The following CALN1 variants were observed in gnomAD, a reference collection of about 807,000 sequenced individuals.
CALN1 encodes calcium-binding protein 8.
In CALN1, 17 loss-of-function variants were observed where a neutral mutation model predicts 30.6. That is an observed-to-expected ratio of 0.56 (90% CI 0.38 to 0.83). CALN1 has a LOEUF of 0.83. Ranked by LOEUF, CALN1 falls within the 40% of genes least tolerant of loss-of-function variation. CALN1 has a pLI of 0.00. For missense variants in CALN1, 291 were observed against 354.9 expected (o/e 0.82, Z 1.45); for synonymous variants, 156 against 131.4 (o/e 1.19, Z -1.28).
At chr7:72,499,403 ATAAT>A in the CALN1 span, among the ~76,000 whole-genome samples, 4 of 152,166 alleles carry the variant, frequency 2.6e-5, no homozygotes, top group African/African-American at 9.6e-5. Context: ...TTATTAATTA[ATAAT>A]TGATTGATTC....
chr7:71,879,275 C>A (rs1032795297), intron 5 of CALN1, among the ~76,000 whole-genome samples: 2 of 152,128 alleles, frequency 1.3e-5, no homozygotes, highest in Non-Finnish European at 2.9e-5. Flanking sequence ...TATCTCTGTC[C>A]TCTGAGTAGG....
chr7:72,144,403 C>A (rs1041886544), intron 3 of CALN1, among the ~76,000 whole-genome samples: 5 of 152,152 alleles, frequency 3.3e-5, no homozygotes, highest in Non-Finnish European at 5.9e-5. Context: ...GTAAAGGGAT[C>A]AATTCAACAA....
At chr7:72,488,967 A>G in the CALN1 span, among the ~76,000 whole-genome samples, 2 of 152,214 alleles carry the variant, frequency 1.3e-5, no homozygotes, top group African/African-American at 2.4e-5. Flanking sequence ...CTGGAAGCAT[A>G]GGAGAGCCTA....
intron 5 of CALN1, among the ~76,000 whole-genome samples, chr7:71,986,107 G>C (rs2129527498): frequency 6.6e-6 from 1 of 152,096 alleles, no homozygotes; most frequent in Non-Finnish European, 1.5e-5. Context: ...GAGTGCAGTG[G>C]CACTATCTCA....
At chr7:72,296,000 T>C (rs1307623195) in intron 2 of CALN1, among the ~76,000 whole-genome samples, 35 of 152,036 alleles carry the variant, frequency 2.3e-4, no homozygotes, top group Admixed American at 2.3e-3. Context: ...GGCTGTGGGT[T>C]TGTCATAGAT....
chr7:72,058,597 G>C (rs770084415), intron 4 of CALN1, among the ~76,000 whole-genome samples: 6 of 152,094 alleles, frequency 3.9e-5, no homozygotes, highest in Middle Eastern at 3.2e-3. Context: ...GGGATTACAG[G>C]CACAAGCGAC....
At chr7:71,790,401 AAAG>A (rs879442761) in intron 6 of CALN1, among the ~76,000 whole-genome samples, 937 of 92,666 alleles carry the variant, frequency 0.01, 7 homozygotes, top group Non-Finnish European at 0.015. Flanking sequence ...AGAAAGAAAG[AAAG>A]AAAGAAAGAA....
At chr7:72,176,357 A>G (rs962923432) in intron 3 of CALN1, among the ~76,000 whole-genome samples, 8 of 152,276 alleles carry the variant, frequency 5.3e-5, no homozygotes, top group African/African-American at 1.9e-4. Flanking sequence ...GGCATATGAT[A>G]GAGTTTGGAT....
intron 2 of CALN1, among the ~76,000 whole-genome samples, chr7:72,321,518 G>GT (rs1387400672): frequency 2.0e-5 from 3 of 152,142 alleles, no homozygotes; most frequent in Non-Finnish European, 4.4e-5. Context: ...AATCGTAAAC[G>GT]TAATTGTTTT....
At chr7:72,221,429 T>G (rs937984237) in intron 3 of CALN1, among the ~76,000 whole-genome samples, 4 of 149,922 alleles carry the variant, frequency 2.7e-5, no homozygotes, top group Non-Finnish European at 5.9e-5. Flanking sequence ...GCAACTCTCC[T>G]GCCTCAGCCT....
chr7:71,821,866 C>T (rs1397898464), intron 5 of CALN1, among the ~76,000 whole-genome samples: 1 of 150,296 alleles, frequency 6.7e-6, no homozygotes, highest in Non-Finnish European at 1.5e-5. Context: ...TGGCTTACTG[C>T]AGCCTTGACC....
At chr7:72,170,205 G>C (rs1308114912) in intron 3 of CALN1, among the ~76,000 whole-genome samples, 2 of 152,026 alleles carry the variant, frequency 1.3e-5, no homozygotes, top group Non-Finnish European at 2.9e-5. Flanking sequence ...CTGATCTCAA[G>C]CTCCTAGCCT....
At chr7:71,961,857 T>G (rs985691761) in intron 5 of CALN1, among the ~76,000 whole-genome samples, 2 of 152,162 alleles carry the variant, frequency 1.3e-5, no homozygotes, top group Admixed American at 6.6e-5. Context: ...GCTATGTCTC[T>G]TCACAAGCCT....
intron 2 of CALN1, among the ~76,000 whole-genome samples, chr7:72,322,809 C>A (rs943033229): frequency 2.0e-5 from 3 of 151,856 alleles, no homozygotes; most frequent in Non-Finnish European, 4.4e-5. Context: ...AATTTAAAAT[C>A]CCTTGTTCAT....
chr7:72,097,782 C>T (rs1039516463), intron 4 of CALN1, among the ~76,000 whole-genome samples: 7 of 151,992 alleles, frequency 4.6e-5, no homozygotes, highest in Non-Finnish European at 7.4e-5. Context: ...GGCACAATCT[C>T]GGCTCACCGC....
intron 5 of CALN1, among the ~76,000 whole-genome samples, chr7:71,815,675 TAG>T (rs761055366): frequency 2.1e-4 from 32 of 152,116 alleles, no homozygotes; most frequent in Non-Finnish European, 4.3e-4. Context: ...AAGGAAGTTT[TAG>T]ACTCTTTTTT....
chr7:72,326,905 C>G (rs2129557736), intron 2 of CALN1, among the ~76,000 whole-genome samples: 1 of 152,272 alleles, frequency 6.6e-6, no homozygotes, highest in African/African-American at 2.4e-5. Flanking sequence ...ACCAAGGTTC[C>G]TCTTCTCCTT....
intron 1 of CALN1, among the ~76,000 whole-genome samples, chr7:72,422,501 T>C (rs1045752075): frequency 6.6e-6 from 1 of 152,192 alleles, no homozygotes; most frequent in Admixed American, 6.5e-5. Flanking sequence ...TAATTCTTCT[T>C]GCTGAGTGAC....
At chr7:72,388,552 T>C (rs1042736240) in intron 2 of CALN1, among the ~76,000 whole-genome samples, 1 of 152,216 alleles carries the variant, frequency 6.6e-6, no homozygotes, top group Non-Finnish European at 1.5e-5. Context: ...TGGGCGATAC[T>C]GCGTGTTGGG....
Sources: gnomAD v4.1 joint callset for allele counts (sites outside exome capture counted in the v4.1 genomes callset) on GRCh38, gnomAD v4.1.1 for gene constraint, MANE v1.5 for transcripts, NCBI Gene and HGNC (gene_info 2026-07-23, HGNC 2026-07-21) for gene names.